HECW1: variants seen among roughly 807,000 people sequenced by gnomAD.
HECW1 encodes the protein E3 ubiquitin-protein ligase HECW1.
HECW1 carries 61 observed loss-of-function variants against 182.3 expected under a neutral mutation model. The ratio of observed to expected loss-of-function variants is 0.33; its 90% CI spans 0.27 to 0.41. The LOEUF is 0.41. Among genes scored for constraint, HECW1 ranks in the 10% least tolerant of loss-of-function variants. HECW1 has a pLI of 1.00. For missense variants in HECW1, 1,739 were observed against 2,108.9 expected (o/e 0.82, Z 3.44); for synonymous variants, 859 against 832.6 (o/e 1.03, Z -0.55).
chr7:43,455,713 G>A (rs776626009), intron 12 of HECW1, among the ~76,000 whole-genome samples: 93 of 152,206 alleles, frequency 6.1e-4, no homozygotes, highest in Non-Finnish European at 9.1e-4. Flanking sequence ...ACACCATCAC[G>A]GGTGTGATGA....
chr7:43,382,206 A>T (rs1331762158), intron 6 of HECW1, among the ~76,000 whole-genome samples: 1 of 152,066 alleles, frequency 6.6e-6, no homozygotes, highest in African/African-American at 2.4e-5. Context: ...GAATGGCGTG[A>T]ACCCAGGAGG....
At chr7:43,446,968 T>C (rs974404193) in intron 11 of HECW1, among the ~76,000 whole-genome samples, 3 of 152,160 alleles carry the variant, frequency 2.0e-5, no homozygotes, top group Non-Finnish European at 2.9e-5. Flanking sequence ...GTATGGACAT[T>C]ACTCGATAAT....
rs115367579 is a variant in HECW1, at chr7:43,174,631, C to T, written c.-32+60240C>T. ...TCAAAGCTTCACTATTTCTCTCCTTCGCACTCAATCTTAGTAGCTTTTTTT... is the reference window on the plus strand; with the variant it reads ...TCAAAGCTTCACTATTTCTCTCCTTTGCACTCAATCTTAGTAGCTTTTTTT... On this transcript the variant is annotated intron_variant, in intron 2 of 29. Transcript: ENST00000395891. Among the ~76,000 whole-genome samples, 210 of 152,286 alleles carry T rather than the reference C, an allele frequency of 1.4e-3. 1 individual carries two copies. The highest frequency in any genetic ancestry group is 4.7e-3 in the African/African-American group (197 of 41,566).
intron 16 of HECW1, among the ~76,000 whole-genome samples, chr7:43,472,721 C>T (rs766759980): frequency 3.9e-5 from 6 of 152,114 alleles, no homozygotes; most frequent in Non-Finnish European, 8.8e-5. Context: ...TATATCTACA[C>T]ATGTTCTGGA....
chr7:43,554,654 G>A lies in HECW1; in HGVS notation c.4573G>A (p.Glu1525Lys). The A allele has an allele frequency of 1.2e-6, 2 of 1,613,944 alleles. No homozygotes were observed. Among genetic ancestry groups the A allele is most frequent in the Non-Finnish European group, 1.7e-6 (2 of 1,179,944 alleles). ...FWAAVERFNN[E>K]QRLRLLQFVT... ...GGCTGCGGTGGAGCGCTTCAATAAT[G>A]AGCAGAGGCTGAGATTACTGCAGTT... The change falls in exon 29 of 30, where the codon GAG (glutamate) becomes AAG (lysine). Residue 1525 changes from glutamate (E) to lysine (K), a missense_variant. Physicochemically the swap from Glu to Lys is moderately conservative, Grantham distance 56. Around this residue, in one of 5 missense-constraint regions of HECW1, gnomAD observed 420 missense variants for 595.7 expected, o/e 0.71. Coordinates refer to ENST00000395891, the MANE Select transcript of HECW1 (RefSeq NM_015052.5).
intron 2 of HECW1, among the ~76,000 whole-genome samples, chr7:43,197,908 C>T (rs1794618383): frequency 6.6e-6 from 1 of 152,044 alleles, no homozygotes. Flanking sequence ...CTGGAGCTGG[C>T]ACTGGGCCCC....
At chr7:43,247,795 A>G (rs377232894) in intron 3 of HECW1, among the ~76,000 whole-genome samples, 2 of 77,730 alleles carry the variant, frequency 2.6e-5, no homozygotes, top group African/African-American at 9.7e-5. Context: ...AAAAGAAAAG[A>G]AGGAGGGAAG....
chr7:43,417,586 A>T (rs2076052983), intron 8 of HECW1, among the ~76,000 whole-genome samples: 1 of 152,114 alleles, frequency 6.6e-6, no homozygotes, highest in African/African-American at 2.4e-5. Context: ...GGTTCCGCCC[A>T]GTGAGGTGGC....
intron 9 of HECW1, chr7:43,440,087 T>C (rs117181921): frequency 0.15 from 23,377 of 152,246 alleles, 1,960 homozygotes; most frequent in Middle Eastern, 0.23. Flanking sequence ...CCCACCGTGG[T>C]TAGGAGCAGA....
chr7:43,304,772 G>T (rs919485426), intron 3 of HECW1, among the ~76,000 whole-genome samples: 7 of 152,292 alleles, frequency 4.6e-5, no homozygotes, highest in Admixed American at 2.0e-4. Context: ...GGGATTACAG[G>T]CGTGAGCCAT....
chr7:43,480,720 C>CAT lies in HECW1; in HGVS notation c.3234+992_3234+993dup, dbSNP rs143796008. 4.2e-3 allele frequency among the ~76,000 whole-genome samples: 620 copies of CAT among 146,556 alleles called. 3 individuals are homozygous for CAT. The highest frequency in any genetic ancestry group is 0.01 in the Middle Eastern group (3 of 286). The stretch of plus-strand genomic sequence containing the variant: ...ATACACACACACACACATATATACG[C>CAT]ATATATATATATATATACACACACA... On this transcript the variant is annotated intron_variant, in intron 17 of 29. Transcript: ENST00000395891.
chr7:43,194,348 T>G (rs951113179), intron 2 of HECW1: 1 of 152,190 alleles, frequency 6.6e-6, no homozygotes, highest in African/African-American at 2.4e-5. Context: ...TGAGATTTTC[T>G]CTTCCTTAAA....
At chr7:43,507,461 GGT>G (rs2079631691) in intron 22 of HECW1, among the ~76,000 whole-genome samples, 1 of 152,140 alleles carries the variant, frequency 6.6e-6, no homozygotes, top group Non-Finnish European at 1.5e-5. Context: ...AGGAAGAGAA[GGT>G]AAGAGAGGGA....
chr7:43,474,104 A>G (rs1657141446), intron 16 of HECW1, among the ~76,000 whole-genome samples: 1 of 152,218 alleles, frequency 6.6e-6, no homozygotes, highest in African/African-American at 2.4e-5. Flanking sequence ...AGACAATAAC[A>G]GAAAAACCAG....
intron 3 of HECW1, among the ~76,000 whole-genome samples, chr7:43,281,389 C>T (rs950966590): frequency 1.2e-4 from 18 of 152,190 alleles, no homozygotes; most frequent in African/African-American, 4.1e-4. Flanking sequence ...GTGCCAAGCT[C>T]TATACATGAA....
intron 2 of HECW1, among the ~76,000 whole-genome samples, chr7:43,127,286 G>C (rs1242619762): frequency 6.6e-6 from 1 of 152,138 alleles, no homozygotes; most frequent in African/African-American, 2.4e-5. Flanking sequence ...CACTTTGGGA[G>C]GCCGAGGCGG....
At chr7:43,370,183 TAAA>T (rs1817154921) in intron 6 of HECW1, among the ~76,000 whole-genome samples, 1 of 152,192 alleles carries the variant, frequency 6.6e-6, no homozygotes, top group Non-Finnish European at 1.5e-5. Context: ...AGCCAACTTT[TAAA>T]AATGGGCAAA....
chr7:43,438,026 C>T lies in HECW1; in HGVS notation c.825C>T (p.Pro275=), dbSNP rs1157164348. The T allele has an allele frequency of 1.2e-6, 2 of 1,614,042 alleles. No homozygotes were observed. The highest frequency in any genetic ancestry group is 1.1e-5 in the South Asian group (1 of 91,076). Residue 275 remains proline, a synonymous_variant, in exon 9 of 30, where the codon CCC becomes CCT. Coordinates refer to ENST00000395891, the MANE Select transcript of HECW1 (RefSeq NM_015052.5). The part of the protein sequence containing the change: ...QAEQFSFVSL[P]TDVLEIEVKD... ...AGCAATTCAGTTTTGTGTCCTTGCC[C>T]ACTGACGTGCTGGAAATTGAGGTGA...
At chr7:43,188,025 C>G (rs1302366449) in intron 2 of HECW1, among the ~76,000 whole-genome samples, 1 of 152,182 alleles carries the variant, frequency 6.6e-6, no homozygotes, top group Admixed American at 6.5e-5. Flanking sequence ...GTAGGAAGGA[C>G]TAATTCCAGC....
Sources: allele counts gnomAD v4.1 joint callset (sites outside exome capture counted in the v4.1 genomes callset), GRCh38; gene constraint gnomAD v4.1.1; regional missense constraint gnomAD v4.1.1; transcripts MANE v1.5; gene names NCBI Gene and HGNC (gene_info 2026-07-23, HGNC 2026-07-21).